Variants in TDRD10 observed in about 807,000 individuals in gnomAD.
TDRD10 encodes tudor domain containing 10, also known as tudor domain-containing protein 10.
TDRD10 carries 40 observed loss-of-function variants against 48.0 expected under a neutral mutation model. That is an observed-to-expected ratio of 0.83 (90% CI 0.65 to 1.09). The LOEUF is 1.09. Among genes scored for constraint, TDRD10 ranks in the 50% least tolerant of loss-of-function variants. The probability of loss-of-function intolerance (pLI) is 0.00; values close to 1 mark genes in which losing one functional copy is unlikely to be tolerated. For missense variants in TDRD10, 378 were observed against 434.7 expected (o/e 0.87, Z 1.16); for synonymous variants, 162 against 170.4 (o/e 0.95, Z 0.38).
At chr1:154,529,657 T>C (rs971129303) in intron 6 of TDRD10, among the ~76,000 whole-genome samples, 1 of 151,674 alleles carries the variant, frequency 6.6e-6, no homozygotes, top group Admixed American at 6.6e-5. Flanking sequence ...GTGATTCTCC[T>C]GCCTCAGCCT....
intron 7 of TDRD10, among the ~76,000 whole-genome samples, chr1:154,542,497 G>A (rs1197639596): frequency 3.3e-5 from 5 of 152,142 alleles, no homozygotes; most frequent in Admixed American, 6.5e-5. Context: ...CAAAGTGCTG[G>A]GATTACAGGT....
Position 154,502,874 on chromosome 1 carries a change from G to A in TDRD10, c.-183G>A, listed in dbSNP as rs1228221674. ...ACTCTTCGGTGGCACACGGTCCTGG[G>A]CAGCGCGAGGCTCTTCCCGCCGTGG... On this transcript the variant is annotated 5_prime_UTR_variant, in exon 1 of 13. Coordinates refer to ENST00000368482, the MANE Select transcript of TDRD10 (RefSeq NM_182499.4). 6.6e-6 allele frequency: 1 copy of A among 152,280 alleles called. No individual in the cohort carries two copies. Among genetic ancestry groups the A allele is most frequent in the African/African-American group, 2.4e-5 (1 of 41,466 alleles). 9.4% of individuals were successfully genotyped at this position (152,280 alleles called of 1,614,324 possible).
chr1:154,524,684 A>C (rs1261896499), intron 6 of TDRD10, among the ~76,000 whole-genome samples: 1 of 152,078 alleles, frequency 6.6e-6, no homozygotes, highest in African/African-American at 2.4e-5. Flanking sequence ...TTTTCCTAAG[A>C]CTTGGCTTTT....
intron 4 of TDRD10, among the ~76,000 whole-genome samples, chr1:154,511,115 G>C (rs1416333952): frequency 1.3e-5 from 2 of 150,436 alleles, no homozygotes; most frequent in Non-Finnish European, 3.0e-5. Flanking sequence ...TTTTTTGTTT[G>C]TTTGTTTGAG....
At chr1:154,529,101 C>A (rs1013146659) in intron 6 of TDRD10, among the ~76,000 whole-genome samples, 2 of 151,288 alleles carry the variant, frequency 1.3e-5, no homozygotes, top group Admixed American at 1.3e-4. Context: ...TTTTTTGAGA[C>A]GGAGTTTTGC....
chr1:154,534,556 A>AGGAGTGG (rs1694819190), intron 6 of TDRD10: 2 of 152,384 alleles, frequency 1.3e-5, no homozygotes, highest in South Asian at 4.1e-4. Flanking sequence ...TATCCGCTGA[A>AGGAGTGG]GGAGTGGGGA....
At chr1:154,508,314 A>G in intron 3 of TDRD10, 109 bp from the exon 4 acceptor site, 2 of 758,750 alleles carry the variant, frequency 2.6e-6, no homozygotes, top group Non-Finnish European at 4.6e-6. Context: ...CAGGAATTTG[A>G]GACCAGACTG....
At chr1:154,539,371 G>A (rs909362567) in intron 6 of TDRD10, among the ~76,000 whole-genome samples, 1 of 151,740 alleles carries the variant, frequency 6.6e-6, no homozygotes, top group East Asian at 1.9e-4. Flanking sequence ...GCACAATCTC[G>A]GCTCACTGCA....
chr1:154,540,277 T>C (rs1043199453), intron 6 of TDRD10, among the ~76,000 whole-genome samples: 4 of 152,042 alleles, frequency 2.6e-5, no homozygotes, highest in African/African-American at 9.7e-5. Flanking sequence ...AAAATGTTCA[T>C]GGGCTCGGGT....
chr1:154,542,644 G>T (rs1433056679), intron 7 of TDRD10, 87 bp from the exon 8 acceptor site: 4 of 1,016,454 alleles, frequency 3.9e-6, no homozygotes, highest in Non-Finnish European at 4.4e-6. Flanking sequence ...TCCTTGGAGG[G>T]CAGGGCCAAG....
intron 11 of TDRD10, 127 bp from the exon 12 acceptor site, chr1:154,547,282 C>G: frequency 1.1e-6 from 1 of 881,792 alleles, no homozygotes; most frequent in Non-Finnish European, 1.8e-6. Context: ...CTAGCAGAGA[C>G]TTGCTGGTTG....
intron 6 of TDRD10, among the ~76,000 whole-genome samples, chr1:154,536,616 T>A (rs1017256039): frequency 1.3e-5 from 2 of 152,216 alleles, no homozygotes; most frequent in Non-Finnish European, 2.9e-5. Flanking sequence ...GCGTGCAGCA[T>A]GTAACCACTG....
At chr1:154,533,179 C>T (rs1183728251) in intron 6 of TDRD10, among the ~76,000 whole-genome samples, 1 of 152,072 alleles carries the variant, frequency 6.6e-6, no homozygotes, top group Non-Finnish European at 1.5e-5. Flanking sequence ...CTCATCCCAG[C>T]CCCATGAGGG....
chr1:154,521,408 C>T lies in TDRD10; in HGVS notation c.298C>T (p.Leu100=), dbSNP rs370416837. The T allele has an allele frequency of 7.8e-5, 126 of 1,614,080 alleles. No individual in the cohort carries two copies. Among genetic ancestry groups the T allele is most frequent in the Non-Finnish European group, 1.1e-4 (124 of 1,180,044 alleles). Residue 100 remains leucine (L), a synonymous_variant, in exon 6 of 13, where the codon CTG becomes TTG. Transcript: ENST00000368482. ...LNGKLFHKRK[L]FVNTSKRPPK... The stretch of plus-strand genomic sequence containing the variant: ...TGGTAAACTCTTCCACAAGCGAAAA[C>T]TGTTCGTGAATACAAGCAAAAGGCC...
At position 154,529,869 on chromosome 1, in the gene TDRD10, A is replaced by G. The variant is rs146382034; in HGVS notation, c.369+8390A>G. Among the ~76,000 whole-genome samples the G allele has an allele frequency of 2.5e-3, 387 of 152,120 alleles. 3 individuals carry two copies. Among genetic ancestry groups the G allele is most frequent in the African/African-American group, 8.9e-3 (369 of 41,488 alleles). ...TTCTTTCTTACTTTGTAATGTCCCA[A>G]AGTTCTACCTTTTATCATTTCTTTA... On this transcript the variant is annotated intron_variant, in intron 6 of 12. Coordinates refer to ENST00000368482, the MANE Select transcript of TDRD10 (RefSeq NM_182499.4).
chr1:154,541,389 G>C (rs1695224089), intron 6 of TDRD10, among the ~76,000 whole-genome samples: 1 of 152,168 alleles, frequency 6.6e-6, no homozygotes, highest in South Asian at 2.1e-4. Context: ...GGGGTTGTGG[G>C]CGTTTTGAAG....
At chr1:154,526,826 G>A (rs1694341097) in intron 6 of TDRD10, among the ~76,000 whole-genome samples, 1 of 151,358 alleles carries the variant, frequency 6.6e-6, no homozygotes, top group Non-Finnish European at 1.5e-5. Flanking sequence ...CTGACCTCAA[G>A]TAATTACCCA....
At chr1:154,503,697 G>A (rs1410140540) in intron 1 of TDRD10, among the ~76,000 whole-genome samples, 1 of 152,250 alleles carries the variant, frequency 6.6e-6, no homozygotes, top group Non-Finnish European at 1.5e-5. Context: ...TAAATGTGCT[G>A]AAGGGGCTGA....
chr1:154,543,441 T>C (rs1034454288), intron 8 of TDRD10, among the ~76,000 whole-genome samples: 4 of 152,220 alleles, frequency 2.6e-5, no homozygotes, highest in African/African-American at 9.7e-5. Context: ...AGTGCCAGAA[T>C]ACTCAGTTTG....
Sources: gnomAD v4.1 joint callset for allele counts (sites outside exome capture counted in the v4.1 genomes callset) on GRCh38, gnomAD v4.1.1 for gene constraint, MANE v1.5 for transcripts, NCBI Gene and HGNC (gene_info 2026-07-23, HGNC 2026-07-21) for gene names.